The following MED28 variants were observed in gnomAD, a reference collection of about 807,000 sequenced individuals.
The protein encoded by MED28 is mediator complex subunit 28.
A neutral mutation model predicts 21.3 loss-of-function variants in MED28; 26 were observed. That is an observed-to-expected ratio of 1.22 (90% CI 0.89 to 1.69). The LOEUF (loss-of-function observed/expected upper bound fraction) is 1.69, where lower values mean the gene tolerates loss of function less well. Ranked by LOEUF, MED28 falls within the 40% of genes most tolerant of loss-of-function variation. The probability of loss-of-function intolerance (pLI) is 0.00; values close to 1 mark genes in which losing one functional copy is unlikely to be tolerated. For synonymous variants in MED28, 110 were observed against 87.6 expected (o/e 1.26, Z -1.43); for missense variants, 257 against 215.4 (o/e 1.19, Z -1.21).
At chr4:17,618,058 C>T (rs1166359017) in intron 1 of MED28, among the ~76,000 whole-genome samples, 1 of 135,980 alleles carries the variant, frequency 7.4e-6, no homozygotes, top group East Asian at 2.4e-4. Context: ...GTCACCCAGG[C>T]CAGAGTGCAA....
chr4:17,616,708 GC>G (rs1450627791), intron 1 of MED28, among the ~76,000 whole-genome samples: 22 of 152,076 alleles, frequency 1.4e-4, no homozygotes, highest in Non-Finnish European at 2.4e-4. Context: ...ATTAAATTCG[GC>G]TCCATGAAGT....
chr4:17,619,088 A>G (rs539259551), intron 1 of MED28, among the ~76,000 whole-genome samples: 2 of 152,302 alleles, frequency 1.3e-5, no homozygotes, highest in African/African-American at 4.8e-5. Context: ...TCCAACTGCC[A>G]TGCTGTTCTC....
chr4:17,621,724 C>A, intron 3 of MED28, 25 bp downstream of exon 3: 3 of 1,464,268 alleles, frequency 2.0e-6, no homozygotes, highest in Non-Finnish European at 2.8e-6. Context: ...TTCTCCTCAG[C>A]TCTATAGGAA....
rs1255585779 is a variant in MED28, at chr4:17,632,622, G to A, written c.*8824G>A. On this transcript the variant is annotated 3_prime_UTR_variant, in exon 4 of 4. Coordinates refer to ENST00000237380, the MANE Select transcript of MED28 (RefSeq NM_025205.5). ...TGGCTTGGGCCGTTTCACCATCTGG[G>A]GTCCTAAAAGCAAAAAAAGGTTTTT... The A allele has an allele frequency of 6.5e-7, 1 of 1,533,064 alleles. No individual in the cohort carries two copies. The highest frequency in any genetic ancestry group is 8.8e-7 in the Non-Finnish European group (1 of 1,139,026). The allele number at this position is 1,533,064 out of a possible 1,614,324, so 95.0% of individuals were successfully genotyped here.
Position 17,623,934 on chromosome 4 carries a change from A to G in MED28, c.*136A>G. The stretch of plus-strand genomic sequence containing the variant: ...CATTTTAGTTTTATGCTCCCATTGA[A>G]AAATTTTCCACTATTTTTATAAGCT... On this transcript the variant is annotated 3_prime_UTR_variant, in exon 4 of 4. Transcript: ENST00000237380. The G allele has an allele frequency of 1.1e-6, 1 of 932,244 alleles. No individual in the cohort carries two copies. The highest frequency in any genetic ancestry group is 1.7e-5 in the South Asian group (1 of 57,594). The allele number at this position is 932,244 out of a possible 1,614,324, so 57.7% of individuals were successfully genotyped here.
intron 3 of MED28, among the ~76,000 whole-genome samples, chr4:17,622,728 G>C (rs982377725): frequency 1.3e-5 from 2 of 152,188 alleles, no homozygotes; most frequent in Admixed American, 6.5e-5. Context: ...AGACATATCT[G>C]AGACTGGGCA....
Position 17,622,992 on chromosome 4 carries a change from G to GT in MED28, c.340-608dup, listed in dbSNP as rs1403151520. Among the ~76,000 whole-genome samples, 2 of 152,212 alleles carry GT rather than the reference G, an allele frequency of 1.3e-5. 1 individual carries two copies. Among genetic ancestry groups the GT allele is most frequent in the East Asian group, 3.8e-4 (2 of 5,202 alleles). ...GTTCCTCCCTCGACACATGGGAATT[G>GT]TAGGAGTTACAATTCAAGATGAGAT... On this transcript the variant is annotated intron_variant, in intron 3 of 3. Transcript: ENST00000237380.
intron 1 of MED28, 125 bp from the exon 2 acceptor site, chr4:17,619,776 C>T: frequency 1.3e-6 from 1 of 757,094 alleles, no homozygotes; most frequent in Non-Finnish European, 2.2e-6. Flanking sequence ...GTCTTGCCAT[C>T]TCATATGCAA....
intron 2 of MED28, 95 bp from the exon 3 acceptor site, chr4:17,621,492 G>A: frequency 1.3e-6 from 1 of 795,754 alleles, no homozygotes; most frequent in Non-Finnish European, 1.9e-6. Flanking sequence ...TCTATGAGAG[G>A]GCTTTGTTTT....
In MED28 at chr4:17,633,510, G is replaced by C. The variant is rs1355566767; in HGVS notation, c.*9712G>C. On this transcript the variant is annotated 3_prime_UTR_variant, in exon 4 of 4. Transcript: ENST00000237380. ...AATTCAGACCTCCAGGCCAGATGGA[G>C]TCCACCTTTTGTATAACCCATGCTG... The C allele has an allele frequency of 1.8e-6, 1 of 541,600 alleles. No homozygotes were observed. The highest frequency in any genetic ancestry group is 3.2e-6 in the Non-Finnish European group (1 of 316,398). The allele number at this position is 541,600 out of a possible 1,614,324, so 33.5% of individuals were successfully genotyped here.
rs186594573 is a variant in MED28 at position 17,631,112 on chromosome 4, C to G, written c.*7314C>G. 6.6e-5 allele frequency: 10 copies of G among 152,204 alleles called. No individual in the cohort carries two copies. The highest frequency in any genetic ancestry group is 5.2e-4 in the Admixed American group (8 of 15,282). The allele number at this position is 152,204 out of a possible 1,614,324, so 9.4% of individuals were successfully genotyped here. The stretch of plus-strand genomic sequence containing the variant: ...GAGCAAGGTCAGCACCGTGAACAGC[C>G]ATTGCGGTTCCTTTAACCCACTGGG... On this transcript the variant is annotated 3_prime_UTR_variant, in exon 4 of 4. Transcript: ENST00000237380.
intron 2 of MED28, among the ~76,000 whole-genome samples, chr4:17,621,084 G>A (rs972062808): frequency 1.4e-4 from 20 of 142,822 alleles, no homozygotes; most frequent in African/African-American, 3.9e-4. Context: ...GCGCGATCTC[G>A]GCTCACTGCA....
In MED28 at chr4:17,630,394, A is replaced by C. The variant is rs1714889269; in HGVS notation, c.*6596A>C. 1 of 152,188 alleles carries C rather than the reference A, an allele frequency of 6.6e-6. No individual in the cohort carries two copies. Among genetic ancestry groups the C allele is most frequent in the Non-Finnish European group, 1.5e-5 (1 of 68,044 alleles). 9.4% of individuals were successfully genotyped at this position (152,188 alleles called of 1,614,324 possible). A position where few individuals can be genotyped will look rare whatever the true frequency, so the allele number is the denominator to read the frequency against. Reference sequence around the variant, plus strand: ...CCTCATGAGTAGGATAAGTACCCTTACAAAAGAGGCTCAGGGAGGCGCTCT... The same window carrying C: ...CCTCATGAGTAGGATAAGTACCCTTCCAAAAGAGGCTCAGGGAGGCGCTCT... On this transcript the variant is annotated 3_prime_UTR_variant, in exon 4 of 4. Transcript: ENST00000237380.
At chr4:17,615,948 G>C (rs1164873581) in intron 1 of MED28, among the ~76,000 whole-genome samples, 1 of 152,110 alleles carries the variant, frequency 6.6e-6, no homozygotes, top group Non-Finnish European at 1.5e-5. Context: ...TTTACCACAC[G>C]GATGTACAAA....
intron 3 of MED28, among the ~76,000 whole-genome samples, chr4:17,623,398 C>CAA (rs397880373): frequency 0.028 from 3,138 of 112,890 alleles, 79 homozygotes; most frequent in South Asian, 0.041. Flanking sequence ...GACTTCGTCT[C>CAA]AAAAAAAAAA....
rs796887590 is a variant in MED28 at position 17,630,615 on chromosome 4, C to G, written c.*6817C>G. On this transcript the variant is annotated 3_prime_UTR_variant, in exon 4 of 4. Transcript: ENST00000237380. Reference sequence around the variant, plus strand: ...AGCAGCCTGAACGAACTAAGACACTCTAAGCGGGAAACTCACAAAAAATAT... The same window carrying G: ...AGCAGCCTGAACGAACTAAGACACTGTAAGCGGGAAACTCACAAAAAATAT... The G allele has an allele frequency of 9.8e-5, 15 of 152,304 alleles. No homozygotes were observed. Among genetic ancestry groups the G allele is most frequent in the African/African-American group, 2.4e-4 (10 of 41,568 alleles). The allele number at this position is 152,304 out of a possible 1,614,324, so 9.4% of individuals were successfully genotyped here. A position where few individuals can be genotyped will look rare whatever the true frequency, so the allele number is the denominator to read the frequency against.
rs1715022013 is a variant in MED28 at position 17,633,358 on chromosome 4, C to G, written c.*9560C>G. The G allele has an allele frequency of 1.0e-5, 2 of 196,202 alleles. No individual in the cohort carries two copies. Among genetic ancestry groups the G allele is most frequent in the Non-Finnish European group, 2.0e-5 (2 of 98,092 alleles). 12.2% of individuals were successfully genotyped at this position (196,202 alleles called of 1,614,324 possible). A position where few individuals can be genotyped will look rare whatever the true frequency, so the allele number is the denominator to read the frequency against. On this transcript the variant is annotated 3_prime_UTR_variant, in exon 4 of 4. Transcript: ENST00000237380. ...CATCCTATGGATTAATTCCTTTAGT[C>G]TCACGTCAGTCTGATGAGATAGGTG...
At position 17,614,677 on chromosome 4, in the gene MED28, T is replaced by C. The variant is rs1489274289; in HGVS notation, c.23T>C (p.Met8Thr). The C allele has an allele frequency of 6.2e-7, 1 of 1,612,748 alleles. No individual in the cohort carries two copies. The highest frequency in any genetic ancestry group is 1.3e-5 in the African/African-American group (1 of 74,756). MAAPLGG[M>T]FSGQPPGPPQ... ...AACATGGCGGCTCCACTAGGGGGTATGTTTTCTGGGCAGCCACCCGGTCCC... is the reference window on the plus strand; with the variant it reads ...AACATGGCGGCTCCACTAGGGGGTACGTTTTCTGGGCAGCCACCCGGTCCC... The change falls in exon 1 of 4, where the codon ATG (methionine) becomes ACG (threonine). Residue 8 changes from methionine to threonine, a missense_variant. Physicochemically the swap from Met to Thr is moderately conservative, Grantham distance 81. Coordinates refer to ENST00000237380, the MANE Select transcript of MED28 (RefSeq NM_025205.5).
Position 17,614,803 on chromosome 4 carries a change from C to G in MED28, c.149C>G (p.Ser50Ter). 6.2e-7 allele frequency: 1 copy of G among 1,607,106 alleles called. No homozygotes were observed. Among genetic ancestry groups the G allele is most frequent in the Non-Finnish European group, 8.5e-7 (1 of 1,177,392 alleles). ...SSSTLVDELE[S>*]SFEACFASLV... ...AGTACTTTGGTGGACGAGTTGGAGT[C>G]ATCTTTCGAGGTAATATAAGACATG... Residue 50 changes from serine (S) to a stop codon, truncating the protein, a stop_gained, in exon 1 of 4, where the codon TCA becomes TGA. Coordinates refer to ENST00000237380, the MANE Select transcript of MED28 (RefSeq NM_025205.5). LOFTEE classifies it high-confidence loss of function.
Sources: gnomAD v4.1 joint callset for allele counts (sites outside exome capture counted in the v4.1 genomes callset) on GRCh38, gnomAD v4.1.1 for gene constraint, MANE v1.5 for transcripts, NCBI Gene and HGNC (gene_info 2026-07-23, HGNC 2026-07-21) for gene names.